The following CA1 variants were observed in gnomAD, a reference collection of about 807,000 sequenced individuals.
The protein encoded by CA1 is carbonic anhydrase 1.
CA1 carries 27 observed loss-of-function variants against 28.8 expected under a neutral mutation model. That is an observed-to-expected ratio of 0.94 (90% CI 0.69 to 1.29). The LOEUF is 1.29. CA1 is among the 50% of genes most tolerant of loss of function. The pLI is 0.00. For synonymous variants in CA1, 121 were observed against 108.8 expected (o/e 1.11, Z -0.70); for missense variants, 335 against 310.5 (o/e 1.08, Z -0.59).
At chr8:85,336,267 A>G (rs1349405986) in intron 4 of CA1, among the ~76,000 whole-genome samples, 1 of 152,252 alleles carries the variant, frequency 6.6e-6, no homozygotes, top group Non-Finnish European at 1.5e-5. Flanking sequence ...TTAAAAAGTC[A>G]ACCTGCATAT....
intron 2 of CA1, among the ~76,000 whole-genome samples, chr8:85,339,478 TC>T (rs1317589844): frequency 6.6e-6 from 1 of 152,204 alleles, no homozygotes; most frequent in Non-Finnish European, 1.5e-5. Flanking sequence ...TATCTCCCTC[TC>T]TGTAAGTCTG....
intron 1 of CA1, among the ~76,000 whole-genome samples, chr8:85,360,411 G>A (rs1009256672): frequency 5.9e-5 from 9 of 152,186 alleles, no homozygotes; most frequent in Non-Finnish European, 7.3e-5. Flanking sequence ...ACAAGCGTTG[G>A]CTGGGTGTAG....
chr8:85,354,117 C>T (rs1209482511), intron 1 of CA1, among the ~76,000 whole-genome samples: 1 of 151,308 alleles, frequency 6.6e-6, no homozygotes, highest in African/African-American at 2.4e-5. Flanking sequence ...GCCTGTGCCA[C>T]CACACCCAGC....
intron 1 of CA1, chr8:85,351,864 C>G (rs1193569772): frequency 6.6e-6 from 1 of 152,178 alleles, no homozygotes; most frequent in African/African-American, 2.4e-5. Context: ...GATTAAATGA[C>G]ATACCATAAA....
chr8:85,338,183 C>T (rs761429141), intron 3 of CA1, 69 bp downstream of exon 3: 8 of 1,257,110 alleles, frequency 6.4e-6, no homozygotes, highest in East Asian at 4.6e-5. Context: ...TCATATTTCT[C>T]GAGCACTATT....
At position 85,338,311 on chromosome 8, in the gene CA1, T is replaced by G. The variant is rs1320388158; in HGVS notation, c.176A>C (p.Glu59Ala). The G allele has an allele frequency of 3.7e-6, 6 of 1,613,936 alleles. No individual in the cohort carries two copies. Among genetic ancestry groups the G allele is most frequent in the Non-Finnish European group, 5.1e-6 (6 of 1,179,930 alleles). Residue 59 changes from glutamate (E) to alanine (A), a missense_variant, in exon 3 of 8, where the codon GAA becomes GCA. Coordinates refer to ENST00000523022, the MANE Select transcript of CA1 (RefSeq NM_001128831.4). The part of the protein sequence containing the change: ...SVSYNPATAK[E>A]IINVGHSFHV... ...GAAGGAATGCCCCACATTGATAATTTCTTTGGCTGTGGCTGGGTTGTAGGA... is the reference window on the plus strand; with the variant it reads ...GAAGGAATGCCCCACATTGATAATTGCTTTGGCTGTGGCTGGGTTGTAGGA...
intron 1 of CA1, among the ~76,000 whole-genome samples, chr8:85,372,886 G>A (rs1263399194): frequency 3.3e-5 from 5 of 152,080 alleles, no homozygotes; most frequent in Non-Finnish European, 7.3e-5. Context: ...CAGATTTTCT[G>A]TTGCCATGTT....
intron 1 of CA1, among the ~76,000 whole-genome samples, chr8:85,356,518 A>G (rs1019362926): frequency 1.3e-5 from 2 of 152,170 alleles, no homozygotes; most frequent in Non-Finnish European, 2.9e-5. Flanking sequence ...ATATTTATTC[A>G]CTAATTTTAG....
chr8:85,368,266 C>T (rs372002296), intron 1 of CA1, among the ~76,000 whole-genome samples: 10 of 152,010 alleles, frequency 6.6e-5, no homozygotes, highest in East Asian at 5.8e-4. Context: ...CTCCCAGGTT[C>T]AAGTGATTCT....
chr8:85,340,855 T>A (rs1328219842), intron 2 of CA1, among the ~76,000 whole-genome samples: 1 of 152,030 alleles, frequency 6.6e-6, no homozygotes, highest in African/African-American at 2.4e-5. Context: ...TCAAAAAGAT[T>A]AATACTTGGC....
At chr8:85,371,412 G>A (rs1435941101) in intron 1 of CA1, among the ~76,000 whole-genome samples, 1 of 93,894 alleles carries the variant, frequency 1.1e-5, no homozygotes, top group Non-Finnish European at 2.0e-5. Flanking sequence ...ATTCTCAGGT[G>A]TGTGTGCGTA....
chr8:85,360,713 A>G (rs1378535755), intron 1 of CA1, among the ~76,000 whole-genome samples: 1 of 152,166 alleles, frequency 6.6e-6, no homozygotes, highest in Non-Finnish European at 1.5e-5. Context: ...TAAATAAACA[A>G]TTAAAAATGA....
At chr8:85,356,149 T>G (rs967086696) in intron 1 of CA1, among the ~76,000 whole-genome samples, 6 of 152,206 alleles carry the variant, frequency 3.9e-5, no homozygotes, top group African/African-American at 1.4e-4. Flanking sequence ...CATTGAATGT[T>G]GTCATATGTT....
chr8:85,332,645 G>A, intron 5 of CA1, 93 bp from the exon 6 acceptor site: 3 of 877,918 alleles, frequency 3.4e-6, no homozygotes, highest in Non-Finnish European at 5.7e-6. Context: ...ATTAACAACT[G>A]ACAAGAGGTA....
chr8:85,329,540 C>A, intron 7 of CA1, 149 bp downstream of exon 7: 4 of 774,426 alleles, frequency 5.2e-6, no homozygotes, highest in South Asian at 3.1e-5. Flanking sequence ...GTTTAATAAA[C>A]CTATGTCCCC....
chr8:85,375,533 T>C (rs2130422229), intron 1 of CA1, among the ~76,000 whole-genome samples: 1 of 149,488 alleles, frequency 6.7e-6, no homozygotes, highest in South Asian at 2.1e-4. Context: ...AAAAAAAAGA[T>C]TAGAACAAAT....
intron 1 of CA1, 107 bp from the exon 2 acceptor site, chr8:85,341,766 G>T: frequency 1.5e-6 from 1 of 681,944 alleles, no homozygotes; most frequent in South Asian, 1.7e-5. Context: ...GCTTTTAATA[G>T]GCCATTATTT....
chr8:85,343,507 G>C (rs1482915297), intron 1 of CA1, among the ~76,000 whole-genome samples: 1 of 152,274 alleles, frequency 6.6e-6, no homozygotes, highest in South Asian at 2.1e-4. Flanking sequence ...CTTCATCCTT[G>C]GGCTTACTTC....
At chr8:85,338,935 C>G (rs898593631) in intron 2 of CA1, among the ~76,000 whole-genome samples, 1 of 151,888 alleles carries the variant, frequency 6.6e-6, no homozygotes, top group Non-Finnish European at 1.5e-5. Context: ...AGGCTTGTCT[C>G]GAACTCCTGA....
Sources: gnomAD v4.1 joint callset for allele counts (sites outside exome capture counted in the v4.1 genomes callset) on GRCh38, gnomAD v4.1.1 for gene constraint, MANE v1.5 for transcripts, NCBI Gene and HGNC (gene_info 2026-07-23, HGNC 2026-07-21) for gene names.